KCNMA1: variants seen among roughly 807,000 people sequenced by gnomAD.
The protein encoded by KCNMA1 is Calcium-activated potassium channel subunit alpha-1.
Under a neutral mutation model 140.0 loss-of-function variants are expected in KCNMA1, and 29 were observed. That is an observed-to-expected ratio of 0.21 (90% confidence interval 0.15 to 0.28). The LOEUF is 0.28. Among genes scored for constraint, KCNMA1 ranks in the 10% least tolerant of loss-of-function variants. KCNMA1 has a pLI of 1.00. For synonymous variants in KCNMA1, 612 were observed against 611.9 expected (o/e 1.00, Z 0.00); for missense variants, 880 against 1,602.2 (o/e 0.55, Z 7.70).
rs1405703835 is a variant in KCNMA1, at chr10:76,977,554, A to G, written c.2267-7487T>C. ...ATTAACTCGCTGACCTTTGACAGAG[A>G]AAGTTTGCTGACCCCTGCAGTAGTT... On this transcript the variant is annotated intron_variant, in intron 19 of 27. Coordinates refer to ENST00000286628, the MANE Select transcript of KCNMA1 (RefSeq NM_001161352.2). 8.5e-6 allele frequency: 6 copies of G among 702,788 alleles called. No individual in the cohort carries two copies. The East Asian group carries it at 1.6e-4, about 19-fold the overall frequency. The allele number at this position is 702,788 out of a possible 1,614,324, so 43.5% of individuals were successfully genotyped here.
chr10:77,584,567 C>T (rs1468796899), intron 1 of KCNMA1, among the ~76,000 whole-genome samples: 1 of 152,158 alleles, frequency 6.6e-6, no homozygotes, highest in Non-Finnish European at 1.5e-5. Context: ...CCATGTTAGC[C>T]AGGGTGGTCT....
intron 27 of KCNMA1, among the ~76,000 whole-genome samples, chr10:76,888,786 G>C (rs10824463): frequency 0.79 from 120,869 of 152,176 alleles, 48,490 homozygotes; most frequent in African/African-American, 0.88. Context: ...ATCTTAGGGC[G>C]GGGTGTGGTG....
Position 77,039,609 on chromosome 10 carries a change from T to C in KCNMA1, c.1778A>G (p.Tyr593Cys). Residue 593 changes from tyrosine to cysteine, a missense_variant, in exon 15 of 28, where the codon TAC becomes TGC. Tyr to Cys is a radical substitution (Grantham distance 194). Coordinates refer to ENST00000286628, the MANE Select transcript of KCNMA1 (RefSeq NM_001161352.2). ...KIEEDTWQKYYLEGVSNEMYT... is the reference protein window; with the variant it reads ...KIEEDTWQKYCLEGVSNEMYT... ...CATTTCATTTGAGACTCCTTCCAAG[T>C]AGTATTTCTGCCATGTGTCTTCCTC... 6.2e-7 allele frequency: 1 copy of C among 1,610,616 alleles called. No individual in the cohort carries two copies. The highest frequency in any genetic ancestry group is 8.5e-7 in the Non-Finnish European group (1 of 1,176,808).
intron 5 of KCNMA1, among the ~76,000 whole-genome samples, chr10:77,131,802 T>C (rs188952551): frequency 2.0e-5 from 3 of 151,532 alleles, no homozygotes; most frequent in Admixed American, 6.6e-5. Context: ...CCATCTCTAC[T>C]AAAAATTCAA....
chr10:77,544,152 G>C (rs11002201), intron 1 of KCNMA1, among the ~76,000 whole-genome samples: 30 of 55,684 alleles, frequency 5.4e-4, no homozygotes, highest in South Asian at 1.6e-3. Flanking sequence ...CTTTCCAGCT[G>C]TGTGTGTGTG....
chr10:77,457,176 T>C (rs2097774885), intron 1 of KCNMA1, among the ~76,000 whole-genome samples: 1 of 152,066 alleles, frequency 6.6e-6, no homozygotes, highest in African/African-American at 2.4e-5. Flanking sequence ...TGCTAGTCAT[T>C]GGCCTGCTTG....
intron 1 of KCNMA1, among the ~76,000 whole-genome samples, chr10:77,556,087 G>A (rs1487205281): frequency 3.9e-5 from 6 of 152,164 alleles, no homozygotes; most frequent in African/African-American, 1.2e-4. Flanking sequence ...TTGGATTTCC[G>A]GTCAGTTCCC....
intron 14 of KCNMA1, among the ~76,000 whole-genome samples, chr10:77,042,398 GAATA>G (rs2094777928): frequency 6.6e-6 from 1 of 152,096 alleles, no homozygotes; most frequent in Non-Finnish European, 1.5e-5. Flanking sequence ...TTGGAATATA[GAATA>G]TTTGGGAAAC....
intron 1 of KCNMA1, among the ~76,000 whole-genome samples, chr10:77,620,087 C>A (rs1204955013): frequency 6.6e-6 from 1 of 152,222 alleles, no homozygotes; most frequent in Non-Finnish European, 1.5e-5. Flanking sequence ...TGGCTCCTGA[C>A]CGTGAGGGGT....
intron 3 of KCNMA1, among the ~76,000 whole-genome samples, chr10:77,215,875 C>A (rs1001975362): frequency 6.6e-6 from 1 of 150,726 alleles, no homozygotes; most frequent in African/African-American, 2.4e-5. Context: ...CTCCCCCCCA[C>A]CTGTCTCTCT....
chr10:77,531,407 T>C (rs2057580353), intron 1 of KCNMA1, among the ~76,000 whole-genome samples: 1 of 152,186 alleles, frequency 6.6e-6, no homozygotes, highest in African/African-American at 2.4e-5. Flanking sequence ...GAGCACTGTA[T>C]GAGTCCAGAC....
intron 2 of KCNMA1, among the ~76,000 whole-genome samples, chr10:77,259,852 G>C (rs541231412): frequency 2.0e-4 from 31 of 152,316 alleles, no homozygotes; most frequent in Middle Eastern, 6.8e-3. Flanking sequence ...TTGCTGGATG[G>C]CAAGTTCTAT....
intron 1 of KCNMA1, among the ~76,000 whole-genome samples, chr10:77,572,326 A>G (rs2071716000): frequency 6.6e-6 from 1 of 151,844 alleles, no homozygotes; most frequent in South Asian, 2.1e-4. Flanking sequence ...CTTCATAGCC[A>G]TCACTCAGTT....
At chr10:77,036,858 C>T (rs1177199561) in intron 15 of KCNMA1, among the ~76,000 whole-genome samples, 2 of 152,164 alleles carry the variant, frequency 1.3e-5, no homozygotes, top group Admixed American at 1.3e-4. Flanking sequence ...ATAATTAAGC[C>T]TCCAGATAAT....
intron 3 of KCNMA1, among the ~76,000 whole-genome samples, chr10:77,246,802 A>G (rs1386511330): frequency 6.6e-6 from 1 of 152,174 alleles, no homozygotes; most frequent in Non-Finnish European, 1.5e-5. Flanking sequence ...TTCCAATCGT[A>G]ACCCCACTGT....
chr10:77,252,525 TTGTGTGTGTG>T lies in KCNMA1; in HGVS notation c.541-1279_541-1270del, dbSNP rs139774027. On this transcript the variant is annotated intron_variant, in intron 2 of 27. Coordinates refer to ENST00000286628, the MANE Select transcript of KCNMA1 (RefSeq NM_001161352.2). ...TGTAAAGACTAAGCATGATCAAGCTTTGTGTGTGTGTGTGTGTGTGTGTGTGTGTGTGCGG... is the reference window on the plus strand; with the variant it reads ...TGTAAAGACTAAGCATGATCAAGCTTTGTGTGTGTGTGTGTGTGTGTGCGG... Among the ~76,000 whole-genome samples the T allele has an allele frequency of 2.5e-4, 37 of 145,832 alleles. No homozygotes were observed. The South Asian group carries it at 5.9e-3, about 23-fold the overall frequency.
At chr10:77,442,011 C>T (rs2097415027) in intron 1 of KCNMA1, among the ~76,000 whole-genome samples, 1 of 152,202 alleles carries the variant, frequency 6.6e-6, no homozygotes, top group Admixed American at 6.5e-5. Context: ...CCTGTCTCAA[C>T]TGCGCCAGCA....
At chr10:77,401,805 G>T (rs1294230306) in intron 2 of KCNMA1, among the ~76,000 whole-genome samples, 3 of 152,122 alleles carry the variant, frequency 2.0e-5, no homozygotes, top group Admixed American at 2.0e-4. Flanking sequence ...TCCTCCCTAT[G>T]AAAGCTTTTC....
chr10:77,324,971 C>CTCTCTCTCTCTGTGTGTGTGTGTG (rs766240356), intron 2 of KCNMA1, among the ~76,000 whole-genome samples: 6 of 90,448 alleles, frequency 6.6e-5, no homozygotes, highest in Non-Finnish European at 1.3e-4. Context: ...CTCTCTCTCT[C>CTCTCTCTCTCTGTGTGTGTGTGTG]TGTGTGTGTG....
Sources: gnomAD v4.1 joint callset for allele counts (sites outside exome capture counted in the v4.1 genomes callset) on GRCh38, gnomAD v4.1.1 for gene constraint, MANE v1.5 for transcripts, NCBI Gene and HGNC (gene_info 2026-07-23, HGNC 2026-07-21) for gene names.